RAB22A: variants seen among roughly 807,000 people sequenced by gnomAD.
The protein encoded by RAB22A is ras-related protein Rab-22A.
A neutral mutation model predicts 30.2 loss-of-function variants in RAB22A; 13 were observed. The observed-to-expected ratio is 0.43, with a 90% CI of 0.28 to 0.68. The LOEUF (loss-of-function observed/expected upper bound fraction) is 0.68, where lower values mean the gene tolerates loss of function less well. RAB22A is among the 30% of genes least tolerant of loss of function. The probability of loss-of-function intolerance (pLI) is 0.18; values close to 1 mark genes in which losing one functional copy is unlikely to be tolerated. For missense variants in RAB22A, 177 were observed against 246.8 expected, an observed-to-expected ratio of 0.72 and a Z score of 1.89; for synonymous variants, 89 against 87.2, an observed-to-expected ratio of 1.02 and a Z score of -0.11.
intron 2 of RAB22A, among the ~76,000 whole-genome samples, chr20:58,311,985 C>T (rs895785567): frequency 7.9e-5 from 12 of 152,230 alleles, no homozygotes; most frequent in East Asian, 1.9e-4. Context: ...GACAGAGTTT[C>T]GCTCTTTTTG....
chr20:58,335,983 C>T (rs1245705164), intron 2 of RAB22A, among the ~76,000 whole-genome samples: 1 of 152,018 alleles, frequency 6.6e-6, no homozygotes, highest in East Asian at 1.9e-4. Context: ...GCTTGCTTCC[C>T]CTCCTTGCTG....
intron 2 of RAB22A, among the ~76,000 whole-genome samples, chr20:58,333,756 CAA>C (rs1189157517): frequency 2.0e-5 from 3 of 152,124 alleles, no homozygotes; most frequent in Admixed American, 6.5e-5. Context: ...AAATCCAACA[CAA>C]GACATAAAAT....
intron 2 of RAB22A, among the ~76,000 whole-genome samples, chr20:58,318,884 C>T (rs1986397085): frequency 1.3e-5 from 2 of 152,106 alleles, no homozygotes; most frequent in Admixed American, 6.6e-5. Context: ...CTTTTTTGTG[C>T]CTACATTTGC....
chr20:58,318,995 C>T (rs1395668636), intron 2 of RAB22A, among the ~76,000 whole-genome samples: 2 of 152,266 alleles, frequency 1.3e-5, no homozygotes, highest in South Asian at 2.1e-4. Context: ...GTATGGAAAG[C>T]ATTTGTTATT....
intron 6 of RAB22A, among the ~76,000 whole-genome samples, chr20:58,356,702 T>C (rs1278087300): frequency 1.3e-5 from 2 of 152,220 alleles, no homozygotes; most frequent in African/African-American, 2.4e-5. Flanking sequence ...GTTTTACATA[T>C]ATTTTGTACT....
chr20:58,326,009 A>G (rs1033962114), intron 2 of RAB22A, among the ~76,000 whole-genome samples: 1 of 152,208 alleles, frequency 6.6e-6, no homozygotes, highest in African/African-American at 2.4e-5. Flanking sequence ...TTTTGCACCT[A>G]CATTCCATAC....
At chr20:58,320,172 C>T (rs1042306502) in intron 2 of RAB22A, among the ~76,000 whole-genome samples, 6 of 152,112 alleles carry the variant, frequency 3.9e-5, no homozygotes, top group South Asian at 2.1e-4. Flanking sequence ...ATTGGTATTA[C>T]GTCTTCCTTA....
chr20:58,359,694 C>G lies in RAB22A; in HGVS notation c.576C>G (p.Ser192Arg), dbSNP rs766752917. Residue 192 changes from serine to arginine, a missense_variant, in exon 7 of 7, where the codon AGC (serine) becomes AGG (arginine). Physicochemically the swap from Ser to Arg is moderately radical, Grantham distance 110. Coordinates refer to ENST00000244040, the MANE Select transcript of RAB22A (RefSeq NM_020673.3). ...LRRQPSEPKR[S>R]CC ...GACAGCCTTCAGAGCCAAAGCGGAG[C>G]TGCTGCTGACCGAACCTCAGCCTCT... The G allele has an allele frequency of 4.4e-6, 7 of 1,608,226 alleles. No individual in the cohort carries two copies. In the East Asian group the frequency reaches 1.3e-4, roughly 31 times the overall value.
chr20:58,349,053 A>G (rs1345219379), intron 3 of RAB22A, among the ~76,000 whole-genome samples: 1 of 152,198 alleles, frequency 6.6e-6, no homozygotes, highest in Non-Finnish European at 1.5e-5. Context: ...TGGAGCAGAG[A>G]TGTGCTGACA....
intron 3 of RAB22A, among the ~76,000 whole-genome samples, chr20:58,348,529 CAAG>C (rs1469677379): frequency 6.6e-6 from 1 of 152,154 alleles, no homozygotes; most frequent in East Asian, 1.9e-4. Context: ...CATGAAGAGA[CAAG>C]AAGACCTGAC....
chr20:58,337,164 T>G (rs896938821), intron 2 of RAB22A, among the ~76,000 whole-genome samples: 1 of 152,168 alleles, frequency 6.6e-6, no homozygotes, highest in Non-Finnish European at 1.5e-5. Context: ...AGGTGAGAAG[T>G]CCAAAGTCAG....
chr20:58,355,487 T>C (rs1338418115), intron 6 of RAB22A, among the ~76,000 whole-genome samples: 1 of 152,170 alleles, frequency 6.6e-6, no homozygotes, highest in African/African-American at 2.4e-5. Context: ...GAACTACTGA[T>C]TGCACCCTCT....
intron 2 of RAB22A, among the ~76,000 whole-genome samples, chr20:58,315,622 A>C (rs942388730): frequency 6.6e-6 from 1 of 152,042 alleles, no homozygotes; most frequent in African/African-American, 2.4e-5. Flanking sequence ...GACTCCATAC[A>C]CAGAGTGGGC....
At chr20:58,334,166 A>G (rs1043349869) in intron 2 of RAB22A, among the ~76,000 whole-genome samples, 2 of 151,954 alleles carry the variant, frequency 1.3e-5, no homozygotes, top group African/African-American at 4.8e-5. Flanking sequence ...CCGCGTCTCT[A>G]CTAAAAACAC....
In RAB22A at chr20:58,309,774, G is replaced by T; in HGVS notation, c.-203G>T. 1 of 351,038 alleles carries T rather than the reference G, an allele frequency of 2.8e-6. No homozygotes were observed. Among genetic ancestry groups the T allele is most frequent in the Non-Finnish European group, 4.8e-6 (1 of 206,338 alleles). The allele number at this position is 351,038 out of a possible 1,614,324, so 21.7% of individuals were successfully genotyped here. A position where few individuals can be genotyped will look rare whatever the true frequency, so the allele number is the denominator to read the frequency against. On this transcript the variant is annotated 5_prime_UTR_variant, in exon 1 of 7. Coordinates refer to ENST00000244040, the MANE Select transcript of RAB22A (RefSeq NM_020673.3). Reference sequence around the variant, plus strand: ...CGGCGGCTCCCGGAAGGCCGCGGCGGCGTCCCGGCTGCTAAGGCGGGCCCC... The same window carrying T: ...CGGCGGCTCCCGGAAGGCCGCGGCGTCGTCCCGGCTGCTAAGGCGGGCCCC...
At chr20:58,351,043 G>A (rs1325745022) in intron 3 of RAB22A, among the ~76,000 whole-genome samples, 2 of 152,068 alleles carry the variant, frequency 1.3e-5, no homozygotes, top group African/African-American at 4.8e-5. Context: ...GTAGACTGTA[G>A]AAAAACGTGC....
At chr20:58,347,938 GCTT>G (rs1986979846) in intron 3 of RAB22A, among the ~76,000 whole-genome samples, 1 of 152,160 alleles carries the variant, frequency 6.6e-6, no homozygotes, top group Non-Finnish European at 1.5e-5. Flanking sequence ...ATAAAAGAAA[GCTT>G]CTTGGCCAGG....
chr20:58,362,669 T>C lies in RAB22A; in HGVS notation c.*2966T>C, dbSNP rs1987246066. The C allele has an allele frequency of 6.6e-6, 1 of 152,238 alleles. No homozygotes were observed. The highest frequency in any genetic ancestry group is 6.5e-5 in the Admixed American group (1 of 15,290). 9.4% of individuals were successfully genotyped at this position (152,238 alleles called of 1,614,324 possible). A position where few individuals can be genotyped will look rare whatever the true frequency, so the allele number is the denominator to read the frequency against. ...CCATCATCTGGTGATTAAAAGAACA[T>C]AAAGTAAGATTATGATTAAGTGTCC... On this transcript the variant is annotated 3_prime_UTR_variant, in exon 7 of 7. Coordinates refer to ENST00000244040, the MANE Select transcript of RAB22A (RefSeq NM_020673.3).
intron 3 of RAB22A, among the ~76,000 whole-genome samples, chr20:58,347,644 A>G (rs1156749899): frequency 7.9e-5 from 12 of 152,244 alleles, no homozygotes; most frequent in Non-Finnish European, 1.5e-5. Flanking sequence ...GGCTGCAATA[A>G]TAAACCTAAG....
Sources: allele counts gnomAD v4.1 joint callset (sites outside exome capture counted in the v4.1 genomes callset), GRCh38; gene constraint gnomAD v4.1.1; transcripts MANE v1.5; gene names NCBI Gene and HGNC (gene_info 2026-07-23, HGNC 2026-07-21).